The following SAMD3 variants were observed in gnomAD, a reference collection of about 807,000 sequenced individuals.
SAMD3 encodes sterile alpha motif domain-containing protein 3.
A neutral mutation model predicts 58.5 loss-of-function variants in SAMD3; 63 were observed. The ratio of observed to expected loss-of-function variants is 1.08; its 90% CI spans 0.88 to 1.33. The LOEUF is 1.33. Ranked by LOEUF, SAMD3 falls within the 40% of genes most tolerant of loss-of-function variation. The pLI is 0.00. For missense variants in SAMD3, 604 were observed against 608.4 expected (o/e 0.99, Z 0.08); for synonymous variants, 220 against 210.3 (o/e 1.05, Z -0.40).
At chr6:130,200,129 C>T (rs965615097) in intron 5 of SAMD3, among the ~76,000 whole-genome samples, 4 of 152,070 alleles carry the variant, frequency 2.6e-5, no homozygotes, top group Non-Finnish European at 5.9e-5. Context: ...TAAATCTTCC[C>T]ATTCCCCAAT....
intron 8 of SAMD3, among the ~76,000 whole-genome samples, chr6:130,167,613 A>G (rs1038440049): frequency 1.1e-4 from 16 of 152,236 alleles, no homozygotes; most frequent in African/African-American, 3.6e-4. Flanking sequence ...GAATCTAATT[A>G]TATCTGTTTA....
rs770286327 is a variant in SAMD3 at position 130,144,478 on chromosome 6, G to T, written c.*42C>A. On this transcript the variant is annotated 3_prime_UTR_variant, in exon 12 of 12. Coordinates refer to ENST00000439090, the MANE Select transcript of SAMD3 (RefSeq NM_001017373.4). ...CAAAACAATTTCTTATGAAGCTTCA[G>T]TTTTCCCAGAGGTAAATTCCAGTAC... The T allele has an allele frequency of 2.5e-6, 4 of 1,576,180 alleles. No homozygotes were observed. Among genetic ancestry groups the T allele is most frequent in the Non-Finnish European group, 3.4e-6 (4 of 1,161,208 alleles).
Position 130,232,822 on chromosome 6 carries a change from C to T in SAMD3, c.-187-10009G>A, listed in dbSNP as rs137915123. 2.2e-3 allele frequency among the ~76,000 whole-genome samples: 340 copies of T among 152,234 alleles called. 1 individual carries two copies. Among genetic ancestry groups the T allele is most frequent in the Non-Finnish European group, 4.3e-3 (294 of 68,006 alleles). ...CTAATGGTATGGCATGAAAGGGGCACTTGATACTATTTGCTAAGATAACCA... is the reference window on the plus strand; with the variant it reads ...CTAATGGTATGGCATGAAAGGGGCATTTGATACTATTTGCTAAGATAACCA... On this transcript the variant is annotated intron_variant, in intron 2 of 13. Transcript: ENST00000368134.
At chr6:130,203,728 T>C (rs1562442161) in intron 5 of SAMD3, among the ~76,000 whole-genome samples, 1 of 152,220 alleles carries the variant, frequency 6.6e-6, no homozygotes, top group Non-Finnish European at 1.5e-5. Flanking sequence ...GTTCGTCTCA[T>C]ACTTCCCCAA....
intron 5 of SAMD3, among the ~76,000 whole-genome samples, chr6:130,196,921 A>T (rs1479439427): frequency 2.0e-5 from 3 of 152,208 alleles, no homozygotes; most frequent in Non-Finnish European, 4.4e-5. Flanking sequence ...ACCTCTCTAC[A>T]GTCTGATAAC....
chr6:130,154,877 G>A lies in SAMD3; in HGVS notation c.971C>T (p.Thr324Ile), dbSNP rs1279522104. Residue 324 changes from threonine to isoleucine, a missense_variant, in exon 9 of 12, where the codon ACA (threonine) becomes ATA (isoleucine). Transcript: ENST00000439090. ...EIRRKMIGSR[T>I]PLKDILKLFP... ...CAGTTTAAGAATGTCCTTCAGAGGT[G>A]TTCGGCTGCCAATCATCTTTCTTCT... 2.3e-5 allele frequency: 37 copies of A among 1,613,410 alleles called. No homozygotes were observed. The highest frequency in any genetic ancestry group is 3.1e-5 in the Non-Finnish European group (37 of 1,179,786).
intron 2 of SAMD3, among the ~76,000 whole-genome samples, chr6:130,276,334 C>T (rs1430091270): frequency 1.3e-5 from 2 of 151,914 alleles, no homozygotes; most frequent in Non-Finnish European, 1.5e-5. Flanking sequence ...CATTTTAAGG[C>T]CTTATCATTG....
chr6:130,334,184 A>C (rs1233650172), intron 1 of SAMD3, among the ~76,000 whole-genome samples: 5 of 152,198 alleles, frequency 3.3e-5, no homozygotes, highest in Non-Finnish European at 5.9e-5. Context: ...CACAAATATC[A>C]TCTGAGGCAA....
At chr6:130,273,394 A>G (rs952216032) in intron 2 of SAMD3, among the ~76,000 whole-genome samples, 6 of 152,148 alleles carry the variant, frequency 3.9e-5, no homozygotes, top group Non-Finnish European at 8.8e-5. Context: ...CCTTAAATCT[A>G]AAATGAGTCT....
chr6:130,249,411 G>A lies in SAMD3; in HGVS notation c.-187-26598C>T, dbSNP rs1476151725. 2.0e-5 allele frequency among the ~76,000 whole-genome samples: 3 copies of A among 152,108 alleles called. 1 individual carries two copies. The highest frequency in any genetic ancestry group is 1.3e-4 in the Admixed American group (2 of 15,272). ...TGGGAGCTTAGAAGGGAGAAGCAAT[G>A]GGTGCTTTCACTGTAATTATCTTAA... On this transcript the variant is annotated intron_variant, in intron 2 of 13. Transcript: ENST00000368134.
chr6:130,237,032 CTCA>C (rs1226629380), intron 2 of SAMD3, among the ~76,000 whole-genome samples: 4 of 152,074 alleles, frequency 2.6e-5, no homozygotes, highest in African/African-American at 9.7e-5. Context: ...TTTTTGAAAA[CTCA>C]TCATCATTTC....
intron 2 of SAMD3, among the ~76,000 whole-genome samples, chr6:130,304,342 G>T (rs957960211): frequency 6.6e-6 from 1 of 152,096 alleles, no homozygotes; most frequent in Non-Finnish European, 1.5e-5. Flanking sequence ...GCTAATTTTT[G>T]TATTTTTAGT....
At chr6:130,356,619 A>G (rs1777837252) in intron 1 of SAMD3, among the ~76,000 whole-genome samples, 2 of 152,244 alleles carry the variant, frequency 1.3e-5, no homozygotes, top group Admixed American at 6.5e-5. Context: ...TGAAAAGTGT[A>G]TTGAATAAAG....
At chr6:130,214,667 A>C in intron 3 of SAMD3, 141 bp from the exon 4 acceptor site, 1 of 572,764 alleles carries the variant, frequency 1.7e-6, no homozygotes, top group South Asian at 3.5e-5. Context: ...TATTTTTGAC[A>C]AAGATAAAAC....
At chr6:130,157,149 G>A (rs896145413) in intron 8 of SAMD3, among the ~76,000 whole-genome samples, 4 of 151,272 alleles carry the variant, frequency 2.6e-5, no homozygotes, top group Non-Finnish European at 5.9e-5. Flanking sequence ...AATTTTACTT[G>A]GATTATCTAA....
At chr6:130,241,138 T>C (rs1298152831) in intron 2 of SAMD3, among the ~76,000 whole-genome samples, 1 of 151,580 alleles carries the variant, frequency 6.6e-6, no homozygotes, top group Non-Finnish European at 1.5e-5. Context: ...ATCAGAGTGA[T>C]ACAAATCTAG....
At chr6:130,249,910 A>G (rs544993143) in intron 2 of SAMD3, among the ~76,000 whole-genome samples, 19 of 152,338 alleles carry the variant, frequency 1.2e-4, no homozygotes, top group Non-Finnish European at 2.6e-4. Flanking sequence ...ACTGAGACCC[A>G]CACGCTCTGA....
chr6:130,263,211 C>T (rs1774205261), intron 2 of SAMD3, among the ~76,000 whole-genome samples: 1 of 152,124 alleles, frequency 6.6e-6, no homozygotes, highest in Non-Finnish European at 1.5e-5. Context: ...TAAAAAAGCA[C>T]TAAGGACTAT....
intron 9 of SAMD3, among the ~76,000 whole-genome samples, chr6:130,146,929 G>A (rs967406281): frequency 2.0e-5 from 3 of 152,076 alleles, no homozygotes; most frequent in Non-Finnish European, 2.9e-5. Context: ...AACCGAGACT[G>A]TGCCACTGCA....
Sources: allele counts gnomAD v4.1 joint callset (sites outside exome capture counted in the v4.1 genomes callset), GRCh38; gene constraint gnomAD v4.1.1; transcripts MANE v1.5; gene names NCBI Gene and HGNC (gene_info 2026-07-23, HGNC 2026-07-21).